MNT: variants seen among roughly 807,000 people sequenced by gnomAD.
MNT encodes the protein max-binding protein MNT.
MNT carries 13 observed loss-of-function variants against 40.7 expected under a neutral mutation model. The ratio of observed to expected loss-of-function variants is 0.32; its 90% confidence interval spans 0.21 to 0.51. MNT has a LOEUF of 0.51. Ranked by LOEUF, MNT falls within the 20% of genes least tolerant of loss-of-function variation. The pLI is 0.98. For missense variants in MNT, 757 were observed against 792.0 expected (o/e 0.96, Z 0.53); for synonymous variants, 426 against 354.8 (o/e 1.20, Z -2.26).
chr17:2,399,651 C>G (rs895849188), intron 1 of MNT, among the ~76,000 whole-genome samples: 1 of 152,090 alleles, frequency 6.6e-6, no homozygotes, highest in African/African-American at 2.4e-5. Flanking sequence ...CAGCCCCGCC[C>G]AGGCCCCGCC....
chr17:2,386,615 G>T lies in MNT; in HGVS notation c.*286C>A. 2.5e-6 allele frequency: 1 copy of T among 405,170 alleles called. No individual in the cohort carries two copies. The highest frequency in any genetic ancestry group is 4.4e-6 in the Non-Finnish European group (1 of 227,264). 25.1% of individuals were successfully genotyped at this position (405,170 alleles called of 1,614,324 possible). Reference sequence around the variant, plus strand: ...CACATCGCACTGATTTCCGAGGGTAGGGAGGGGAAGCAGGAGCGGCACTGG... The same window carrying T: ...CACATCGCACTGATTTCCGAGGGTATGGAGGGGAAGCAGGAGCGGCACTGG... On this transcript the variant is annotated 3_prime_UTR_variant, in exon 6 of 6. Coordinates refer to ENST00000174618, the MANE Select transcript of MNT (RefSeq NM_020310.3).
intron 1 of MNT, among the ~76,000 whole-genome samples, chr17:2,399,694 G>A (rs951934387): frequency 2.0e-5 from 3 of 152,126 alleles, no homozygotes; most frequent in African/African-American, 7.2e-5. Context: ...AGGAGGGGCC[G>A]GGCCGCGCCG....
At position 2,385,118 on chromosome 17, in the gene MNT, C is replaced by T. The variant is rs541397304; in HGVS notation, c.*1783G>A. Reference sequence around the variant, plus strand: ...GGGCTCAGCCTCTGAGGATGGTGACCTGGTTTGTAACTGTCCCTTTACCCA... The same window carrying T: ...GGGCTCAGCCTCTGAGGATGGTGACTTGGTTTGTAACTGTCCCTTTACCCA... On this transcript the variant is annotated 3_prime_UTR_variant, in exon 6 of 6. Transcript: ENST00000174618. The T allele has an allele frequency of 1.3e-5, 2 of 152,332 alleles. No homozygotes were observed. Among genetic ancestry groups the T allele is most frequent in the Admixed American group, 1.3e-4 (2 of 15,312 alleles). The allele number at this position is 152,332 out of a possible 1,614,324, so 9.4% of individuals were successfully genotyped here.
At chr17:2,388,142 G>A in intron 4 of MNT, 93 bp from the exon 5 acceptor site, 3 of 1,287,766 alleles carry the variant, frequency 2.3e-6, no homozygotes, top group African/African-American at 3.0e-5. Context: ...CTGGCCCACA[G>A]AGGCAAGTCC....
At chr17:2,400,524 C>G (rs2066607685) in intron 1 of MNT, 116 bp downstream of exon 1, 6 of 994,978 alleles carry the variant, frequency 6.0e-6, no homozygotes, top group Non-Finnish European at 8.4e-6. Context: ...CGTGCGCTGC[C>G]AGGCTCCGCA....
chr17:2,395,597 G>C, intron 1 of MNT, 143 bp from the exon 2 acceptor site: 1 of 1,435,646 alleles, frequency 7.0e-7, no homozygotes, highest in Non-Finnish European at 9.2e-7. Flanking sequence ...TACCAGCCCA[G>C]CCAGGCACGG....
chr17:2,392,502 C>T (rs1236870905), intron 4 of MNT, among the ~76,000 whole-genome samples: 1 of 152,224 alleles, frequency 6.6e-6, no homozygotes, highest in Admixed American at 6.5e-5. Context: ...CTTCCTATTT[C>T]TCAAAAATAA....
chr17:2,398,862 G>A (rs1268337340), intron 1 of MNT, among the ~76,000 whole-genome samples: 1 of 152,124 alleles, frequency 6.6e-6, no homozygotes, highest in Non-Finnish European at 1.5e-5. Context: ...GGGAGTGTGG[G>A]CGATGTCCCC....
At chr17:2,394,828 C>T (rs1320677160) in intron 2 of MNT, 47 bp downstream of exon 2, 1 of 1,404,160 alleles carries the variant, frequency 7.1e-7, no homozygotes, top group Admixed American at 2.0e-5. Flanking sequence ...GGGGGATGGG[C>T]ACCTCTCCTA....
intron 4 of MNT, 47 bp from the exon 5 acceptor site, chr17:2,388,096 T>G: frequency 6.7e-7 from 1 of 1,500,468 alleles, no homozygotes; most frequent in Middle Eastern, 1.7e-4. Flanking sequence ...GCAGCAGCCT[T>G]GGGGCCCAAA....
rs977265768 is a variant in MNT, at chr17:2,384,583, T to TGTGC, written c.*2314_*2317dup. ...TAAAACACGCATGAGAGGTAAGATG[T>TGTGC]GTGCGTGTGCGTGCGTGTGTGTGTG... On this transcript the variant is annotated 3_prime_UTR_variant, in exon 6 of 6. Coordinates refer to ENST00000174618, the MANE Select transcript of MNT (RefSeq NM_020310.3). 3.6e-5 allele frequency: 5 copies of TGTGC among 138,178 alleles called. No homozygotes were observed. Among genetic ancestry groups the TGTGC allele is most frequent in the Admixed American group, 2.2e-4 (3 of 13,372 alleles). The allele number at this position is 138,178 out of a possible 1,614,324, so 8.6% of individuals were successfully genotyped here. A position where few individuals can be genotyped will look rare whatever the true frequency, so the allele number is the denominator to read the frequency against.
At position 2,387,037 on chromosome 17, in the gene MNT, G is replaced by A. The variant is rs750619935; in HGVS notation, c.1613C>T (p.Pro538Leu). 8 of 1,552,450 alleles carry A rather than the reference G, an allele frequency of 5.2e-6. No individual in the cohort carries two copies. The highest frequency in any genetic ancestry group is 2.4e-5 in the East Asian group (1 of 41,708). ...QVNGTAGLGP[P>L]ATVMAKPAVG... ...GGCCGGCTTTGCCATGACAGTAGCC[G>A]GGGGCCCCAGGCCGGCCGTGCCGTT... Residue 538 changes from proline (P) to leucine (L), a missense_variant, in exon 6 of 6, where the codon CCG (proline) becomes CTG (leucine). Around this residue, in one of 4 missense-constraint regions of MNT, gnomAD observed 345 missense variants for 380.1 expected, o/e 0.91. Coordinates refer to ENST00000174618, the MANE Select transcript of MNT (RefSeq NM_020310.3).
intron 1 of MNT, among the ~76,000 whole-genome samples, chr17:2,395,799 G>A (rs1302428346): frequency 1.3e-5 from 2 of 152,082 alleles, no homozygotes; most frequent in South Asian, 2.1e-4. Context: ...AGCCTGCAGG[G>A]TGAGGAGGAA....
At position 2,394,071 on chromosome 17, in the gene MNT, A is replaced by G; in HGVS notation, c.779T>C (p.Val260Ala). The G allele has an allele frequency of 2.5e-6, 4 of 1,606,682 alleles. No homozygotes were observed. Among genetic ancestry groups the G allele is most frequent in the Non-Finnish European group, 3.4e-6 (4 of 1,176,918 alleles). ...GATGTACCGCAGCGCCGTCCGCAGC[A>G]CGCTCAGATTGGACGTCTTCTTGTC... ...VDDKKTSNLS[V>A]LRTALRYIQS... The change falls in exon 4 of 6, where the codon GTG (valine) becomes GCG (alanine). Residue 260 changes from valine to alanine, a missense_variant. This residue lies in a region of MNT where 73 missense variants were observed against 100.8 expected (regional missense o/e 0.72). Coordinates refer to ENST00000174618, the MANE Select transcript of MNT (RefSeq NM_020310.3).
chr17:2,397,163 G>T (rs1318676084), intron 1 of MNT, among the ~76,000 whole-genome samples: 2 of 152,206 alleles, frequency 1.3e-5, no homozygotes, highest in African/African-American at 4.8e-5. Context: ...AGCCCTTCGG[G>T]AAGGGGCGAT....
At position 2,386,518 on chromosome 17, in the gene MNT, A is replaced by T; in HGVS notation, c.*383T>A. On this transcript the variant is annotated 3_prime_UTR_variant, in exon 6 of 6. Transcript: ENST00000174618. Reference sequence around the variant, plus strand: ...GAAAGCCGGGGGCCTGGGCCACCTCACCAGACAGCAATAGCAGCAGCAGCA... The same window carrying T: ...GAAAGCCGGGGGCCTGGGCCACCTCTCCAGACAGCAATAGCAGCAGCAGCA... 2 of 197,304 alleles carry T rather than the reference A, an allele frequency of 1.0e-5. No individual in the cohort carries two copies. Among genetic ancestry groups the T allele is most frequent in the Non-Finnish European group, 2.1e-5 (2 of 97,154 alleles). 12.2% of individuals were successfully genotyped at this position (197,304 alleles called of 1,614,324 possible).
At chr17:2,399,437 G>A (rs1021465966) in intron 1 of MNT, among the ~76,000 whole-genome samples, 3 of 152,186 alleles carry the variant, frequency 2.0e-5, no homozygotes, top group Non-Finnish European at 4.4e-5. Context: ...ACGTTTTGGG[G>A]GTCAGTGGAA....
intron 1 of MNT, among the ~76,000 whole-genome samples, chr17:2,399,627 G>T (rs893271057): frequency 5.3e-5 from 8 of 151,848 alleles, no homozygotes; most frequent in Non-Finnish European, 7.4e-5. Context: ...CCAACCCAGC[G>T]CAAGGCCCCT....
At chr17:2,394,497 C>T (rs2066559029) in intron 2 of MNT, 151 bp from the exon 3 acceptor site, 8 of 1,145,326 alleles carry the variant, frequency 7.0e-6, no homozygotes, top group Admixed American at 2.0e-5. Flanking sequence ...TGCCATGCTG[C>T]GCCCACCCCC....
Sources: allele counts gnomAD v4.1 joint callset (sites outside exome capture counted in the v4.1 genomes callset), GRCh38; gene constraint gnomAD v4.1.1; regional missense constraint gnomAD v4.1.1; transcripts MANE v1.5; gene names NCBI Gene and HGNC (gene_info 2026-07-23, HGNC 2026-07-21).